GNB4: variants seen among roughly 807,000 people sequenced by gnomAD.
The protein encoded by GNB4 is G protein subunit beta 4, also known as guanine nucleotide-binding protein subunit beta-4.
GNB4 carries 28 observed loss-of-function variants against 45.2 expected under a neutral mutation model. The observed-to-expected ratio is 0.62, with a 90% CI of 0.46 to 0.85. The LOEUF (loss-of-function observed/expected upper bound fraction) is 0.85, where lower values mean the gene tolerates loss of function less well. GNB4 is among the 40% of genes least tolerant of loss of function. GNB4 has a pLI of 0.00. For missense variants in GNB4, 321 were observed against 425.4 expected, an observed-to-expected ratio of 0.75 and a Z score of 2.16; for synonymous variants, 132 against 143.7, an observed-to-expected ratio of 0.92 and a Z score of 0.58.
At chr3:179,453,538 G>T (rs1462791024), upstream of GNB4, among the ~76,000 whole-genome samples, 1 of 152,180 alleles carries the variant, frequency 6.6e-6, no homozygotes, top group African/African-American at 2.4e-5. Context: ...AAAACAAGTT[G>T]CTGGTATTTA....
the GNB4 span, among the ~76,000 whole-genome samples, chr3:179,463,112 A>G: frequency 2.3e-4 from 35 of 152,316 alleles, no homozygotes; most frequent in Admixed American, 4.6e-4. Context: ...TTGGGGTTCA[A>G]TTACTGGAAG....
chr3:179,435,470 CAAAAAAA>C (rs11389978), intron 1 of GNB4, among the ~76,000 whole-genome samples: 52 of 96,036 alleles, frequency 5.4e-4, no homozygotes, highest in South Asian at 1.4e-3. Context: ...CTTTCTTTTA[CAAAAAAA>C]AAAAAAAAAA....
chr3:179,419,853 C>A (rs867231679), intron 3 of GNB4, among the ~76,000 whole-genome samples: 1 of 151,934 alleles, frequency 6.6e-6, no homozygotes, highest in Admixed American at 6.6e-5. Flanking sequence ...TAAACATTTA[C>A]AATTTTAACT....
chr3:179,418,330 C>G (rs1006536966), intron 4 of GNB4, among the ~76,000 whole-genome samples: 1 of 151,542 alleles, frequency 6.6e-6, no homozygotes, highest in Admixed American at 6.6e-5. Flanking sequence ...ATTAGTCAGG[C>G]GTGGTTGTGG....
At chr3:179,424,215 C>T (rs907460509) in intron 2 of GNB4, among the ~76,000 whole-genome samples, 8 of 152,216 alleles carry the variant, frequency 5.3e-5, no homozygotes, top group East Asian at 3.8e-4. Flanking sequence ...TTCACAGAGT[C>T]GGTGTGAGGA....
chr3:179,518,055 C>G, the GNB4 span, among the ~76,000 whole-genome samples: 2 of 152,150 alleles, frequency 1.3e-5, no homozygotes, highest in African/African-American at 2.4e-5. Flanking sequence ...TCTCTACTCT[C>G]TCTTTTCTCT....
the GNB4 span, among the ~76,000 whole-genome samples, chr3:179,468,035 A>AAAAATATATATATATATATATATATAT: frequency 1.6e-4 from 14 of 89,858 alleles, no homozygotes; most frequent in East Asian, 3.3e-4. Flanking sequence ...TGTTGATAAA[A>AAAAATATATATATATATATATATATAT]ATATATATAT....
chr3:179,500,601 C>T, the GNB4 span, among the ~76,000 whole-genome samples: 1 of 152,074 alleles, frequency 6.6e-6, no homozygotes, highest in African/African-American at 2.4e-5. Flanking sequence ...TTAAAGTAGT[C>T]TTTTCCAATT....
chr3:179,459,222 G>GA, the GNB4 span, among the ~76,000 whole-genome samples: 1 of 152,108 alleles, frequency 6.6e-6, no homozygotes, highest in African/African-American at 2.4e-5. Context: ...ACAACCTAAG[G>GA]AAAGAGTGTG....
At chr3:179,446,079 G>C (rs1715717186) in intron 1 of GNB4, among the ~76,000 whole-genome samples, 1 of 152,134 alleles carries the variant, frequency 6.6e-6, no homozygotes. Context: ...GGAAGAAAAG[G>C]CTCTCTATAA....
chr3:179,414,829 C>G, intron 6 of GNB4, 56 bp downstream of exon 6: 1 of 1,405,614 alleles, frequency 7.1e-7, no homozygotes. Flanking sequence ...TGTCCTTGAT[C>G]AGCACATTCC....
the GNB4 span, among the ~76,000 whole-genome samples, chr3:179,520,528 C>G: frequency 6.6e-6 from 1 of 152,118 alleles, no homozygotes; most frequent in Non-Finnish European, 1.5e-5. Flanking sequence ...CGCCCTAATA[C>G]TTTTAGAGGC....
At chr3:179,435,470 C>CAAAAAAAAAAA (rs11389978) in intron 1 of GNB4, among the ~76,000 whole-genome samples, 1 of 96,060 alleles carries the variant, frequency 1.0e-5, no homozygotes. Context: ...CTTTCTTTTA[C>CAAAAAAAAAAA]AAAAAAAAAA....
chr3:179,520,610 C>T, the GNB4 span, among the ~76,000 whole-genome samples: 1 of 152,190 alleles, frequency 6.6e-6, no homozygotes, highest in African/African-American at 2.4e-5. Flanking sequence ...TTTTCTTCCT[C>T]CCACCTGACG....
chr3:179,468,035 A>AAAAAAAAAAAAAAAATATATAT, the GNB4 span, among the ~76,000 whole-genome samples: 2 of 89,852 alleles, frequency 2.2e-5, no homozygotes, highest in African/African-American at 8.0e-5. Context: ...TGTTGATAAA[A>AAAAAAAAAAAAAAAATATATAT]ATATATATAT....
chr3:179,486,170 G>A, the GNB4 span, among the ~76,000 whole-genome samples: 4 of 140,540 alleles, frequency 2.8e-5, no homozygotes, highest in Non-Finnish European at 6.0e-5. Context: ...GCAGTGAGCC[G>A]AGATAGTGCC....
At chr3:179,468,031 T>TTAAAAAAAAAAAAA in the GNB4 span, among the ~76,000 whole-genome samples, 45 of 67,268 alleles carry the variant, frequency 6.7e-4, 4 homozygotes, top group African/African-American at 1.2e-3. Flanking sequence ...ATTTTGTTGA[T>TTAAAAAAAAAAAAA]AAAAATATAT....
the GNB4 span, among the ~76,000 whole-genome samples, chr3:179,466,832 A>T: frequency 6.6e-6 from 1 of 152,350 alleles, no homozygotes; most frequent in East Asian, 1.9e-4. Context: ...AAATTAACAG[A>T]GTAGTTTTCC....
chr3:179,454,092 C>G (rs1414960675), upstream of GNB4, among the ~76,000 whole-genome samples: 1 of 152,164 alleles, frequency 6.6e-6, no homozygotes, highest in African/African-American at 2.4e-5. Flanking sequence ...CTGATGCCTG[C>G]TGGTTTGTGT....
Sources: allele counts gnomAD v4.1 joint callset (sites outside exome capture counted in the v4.1 genomes callset), GRCh38; gene constraint gnomAD v4.1.1; transcripts MANE v1.5; gene names NCBI Gene and HGNC (gene_info 2026-07-23, HGNC 2026-07-21).